AFAP1L2: variants seen among roughly 807,000 people sequenced by gnomAD.
AFAP1L2 encodes actin filament associated protein 1 like 2, also known as actin filament-associated protein 1-like 2.
In AFAP1L2, 46 loss-of-function variants were observed where a neutral mutation model predicts 99.3. That is an observed-to-expected ratio of 0.46 (90% CI 0.37 to 0.59). AFAP1L2 has a LOEUF of 0.59. Among genes scored for constraint, AFAP1L2 ranks in the 20% least tolerant of loss-of-function variants. The probability of loss-of-function intolerance (pLI) is 0.00; values close to 1 mark genes in which losing one functional copy is unlikely to be tolerated. For synonymous variants in AFAP1L2, 397 were observed against 419.1 expected (o/e 0.95, Z 0.64); for missense variants, 959 against 1,034.9 (o/e 0.93, Z 1.01).
chr10:114,387,040 T>C (rs1349107976), intron 1 of AFAP1L2, among the ~76,000 whole-genome samples: 1 of 152,148 alleles, frequency 6.6e-6, no homozygotes, highest in East Asian at 1.9e-4. Flanking sequence ...CCAAACACAA[T>C]TCCACCCAAC....
chr10:114,390,738 A>AT (rs2057040878), intron 1 of AFAP1L2, among the ~76,000 whole-genome samples: 1 of 150,792 alleles, frequency 6.6e-6, no homozygotes, highest in African/African-American at 2.4e-5. Context: ...AAAAAAAAAA[A>AT]AAAAAATCCT....
In AFAP1L2 at chr10:114,319,291, C is replaced by T. The variant is rs896204508; in HGVS notation, c.407-3526G>A. ...ATCTGCCATCCCTAGGTAGACTCTA[C>T]CTCACTGTGTCCTGTGGAACTGAGG... On this transcript the variant is annotated intron_variant, in intron 5 of 18. Transcript: ENST00000304129. Among the ~76,000 whole-genome samples the T allele has an allele frequency of 2.6e-5, 4 of 151,212 alleles. No individual in the cohort carries two copies. The South Asian group carries it at 8.3e-4, about 32-fold the overall frequency.
chr10:114,366,919 A>G (rs1207522022), intron 1 of AFAP1L2, among the ~76,000 whole-genome samples: 3 of 152,190 alleles, frequency 2.0e-5, no homozygotes, highest in Admixed American at 1.3e-4. Flanking sequence ...GTGAGTTGAG[A>G]TCACGACACT....
chr10:114,402,849 A>G (rs1173526304), intron 1 of AFAP1L2, among the ~76,000 whole-genome samples: 1 of 151,690 alleles, frequency 6.6e-6, no homozygotes, highest in Admixed American at 6.6e-5. Flanking sequence ...CACCACCCCC[A>G]CCCCCATACA....
chr10:114,399,027 G>A (rs982231022), intron 1 of AFAP1L2: 5 of 751,108 alleles, frequency 6.7e-6, no homozygotes, highest in Non-Finnish European at 1.0e-5. Context: ...AACCAGGTCT[G>A]TTCTCCAGAG....
At chr10:114,281,717 C>G in the AFAP1L2 span, 1 of 985,108 alleles carries the variant, frequency 1.0e-6, no homozygotes, top group Non-Finnish European at 1.2e-6. Flanking sequence ...GGGGCTGGGG[C>G]ACTGCGGGAG....
intron 1 of AFAP1L2, chr10:114,363,182 A>G: frequency 1.0e-6 from 1 of 985,152 alleles, no homozygotes; most frequent in Non-Finnish European, 1.2e-6. Context: ...CCTGGGAATC[A>G]AGGAGAGGCA....
chr10:114,404,797 A>G (rs2058570443), upstream of AFAP1L2: 1 of 262,224 alleles, frequency 3.8e-6, no homozygotes, highest in African/African-American at 2.3e-5. Flanking sequence ...AGAGGGAACG[A>G]GACTGGGACG....
chr10:114,382,381 C>T (rs2055761237), intron 1 of AFAP1L2, among the ~76,000 whole-genome samples: 1 of 152,080 alleles, frequency 6.6e-6, no homozygotes, highest in Non-Finnish European at 1.5e-5. Flanking sequence ...GGTCCACCCT[C>T]ACTTACATGT....
chr10:114,354,537 A>G (rs144753554), intron 1 of AFAP1L2, among the ~76,000 whole-genome samples: 7 of 152,340 alleles, frequency 4.6e-5, no homozygotes, highest in Admixed American at 1.3e-4. Context: ...CACCTAAGCC[A>G]TAGGAGAAGG....
chr10:114,343,246 C>T (rs1590345354), intron 1 of AFAP1L2, among the ~76,000 whole-genome samples: 1 of 152,210 alleles, frequency 6.6e-6, no homozygotes, highest in East Asian at 1.9e-4. Context: ...GAAACCAACT[C>T]CTAGGGTTTA....
rs145717898 is a variant in AFAP1L2 at position 114,348,441 on chromosome 10, A to G, written c.17-7710T>C. Among the ~76,000 whole-genome samples, 825 of 152,272 alleles carry G rather than the reference A, an allele frequency of 5.4e-3. 4 individuals carry two copies. The highest frequency in any genetic ancestry group is 0.011 in the Admixed American group (163 of 15,302). ...CGGAGTCTGACTTCTTTTACTTAAC[A>G]TAAGGCATATGAGATTCATCCCGGT... is the stretch of plus-strand genomic sequence containing the variant. On this transcript the variant is annotated intron_variant, in intron 1 of 18. Coordinates refer to ENST00000304129, the MANE Select transcript of AFAP1L2 (RefSeq NM_001001936.3).
intron 10 of AFAP1L2, among the ~76,000 whole-genome samples, chr10:114,306,308 C>G (rs58395123): frequency 1.2e-4 from 10 of 84,844 alleles, no homozygotes; most frequent in East Asian, 8.8e-4. Context: ...CAGGAGGGGA[C>G]GCAGATCCAG....
At chr10:114,303,384 T>G (rs924502167) in intron 11 of AFAP1L2, among the ~76,000 whole-genome samples, 2 of 152,344 alleles carry the variant, frequency 1.3e-5, no homozygotes, top group African/African-American at 4.8e-5. Flanking sequence ...CTTGGCTCAC[T>G]GTAGCCTCTG....
At chr10:114,282,577 G>A in the AFAP1L2 span, 1 of 1,613,674 alleles carries the variant, frequency 6.2e-7, no homozygotes, top group Middle Eastern at 1.6e-4. Context: ...CCCAGGTATG[G>A]TCTGTCTCTT....
chr10:114,337,155 C>G (rs958869885), intron 2 of AFAP1L2, among the ~76,000 whole-genome samples: 11 of 152,248 alleles, frequency 7.2e-5, no homozygotes, highest in African/African-American at 2.7e-4. Context: ...CGACAGTTAA[C>G]TGCAGTGCAA....
At chr10:114,302,309 G>T (rs1251805757) in intron 12 of AFAP1L2, 30 bp downstream of exon 12, 2 of 1,614,008 alleles carry the variant, frequency 1.2e-6, no homozygotes, top group Non-Finnish European at 1.7e-6. Flanking sequence ...GAATAAGAGA[G>T]TGTACGGAGG....
chr10:114,337,996 G>A (rs991846903), intron 2 of AFAP1L2, among the ~76,000 whole-genome samples: 9 of 152,282 alleles, frequency 5.9e-5, no homozygotes, highest in East Asian at 1.9e-4. Context: ...GCGGGCGGAC[G>A]CTCCCTACAA....
chr10:114,289,675 G>A, the AFAP1L2 span: 3 of 641,760 alleles, frequency 4.7e-6, no homozygotes, highest in Middle Eastern at 3.2e-4. Context: ...CATCCTATTT[G>A]ACATTTAAGG....
Sources: gnomAD v4.1 joint callset for allele counts (sites outside exome capture counted in the v4.1 genomes callset) on GRCh38, gnomAD v4.1.1 for gene constraint, MANE v1.5 for transcripts, NCBI Gene and HGNC (gene_info 2026-07-23, HGNC 2026-07-21) for gene names.